The following ATP11A variants were observed in gnomAD, a reference collection of about 807,000 sequenced individuals.
ATP11A encodes the protein phospholipid-transporting ATPase IH.
A neutral mutation model predicts 154.4 loss-of-function variants in ATP11A; 81 were observed. The ratio of observed to expected loss-of-function variants is 0.52; its 90% CI spans 0.44 to 0.63. ATP11A has a LOEUF of 0.63. Ranked by LOEUF, ATP11A falls within the 30% of genes least tolerant of loss-of-function variation. The probability of loss-of-function intolerance (pLI) is 0.00; values close to 1 mark genes in which losing one functional copy is unlikely to be tolerated. For synonymous variants in ATP11A, 623 were observed against 585.9 expected (o/e 1.06, Z -0.91); for missense variants, 1,316 against 1,474.3 (o/e 0.89, Z 1.76).
chr13:112,708,015 T>C (rs978766804), intron 1 of ATP11A, among the ~76,000 whole-genome samples: 5 of 152,212 alleles, frequency 3.3e-5, no homozygotes, highest in African/African-American at 1.2e-4. Context: ...AAGGGCCCAA[T>C]TCTTCTCCAT....
intron 2 of ATP11A, among the ~76,000 whole-genome samples, chr13:112,788,024 A>G (rs2077703210): frequency 6.7e-6 from 1 of 148,620 alleles, no homozygotes; most frequent in Non-Finnish European, 1.5e-5. Context: ...AGACCTACTT[A>G]ATTCACACCA....
rs1269018954 is a variant in ATP11A at position 112,696,517 on chromosome 13, ACT to A, written c.39+6063_39+6064del. On this transcript the variant is annotated intron_variant, in intron 1 of 29. Coordinates refer to ENST00000375645, the MANE Select transcript of ATP11A (RefSeq NM_015205.3). The surrounding 1 kb of genome is among the most constrained non-coding windows in gnomAD (Gnocchi z 6.2). ...CCGTCTCTCTCCCTCTCTGAGTGAC[ACT>A]GTCTGCCCTGCTGCTTGCCGTCCCG... Among the ~76,000 whole-genome samples, 2 of 152,130 alleles carry A rather than the reference ACT, an allele frequency of 1.3e-5. No individual in the cohort carries two copies. The highest frequency in any genetic ancestry group is 2.9e-5 in the Non-Finnish European group (2 of 67,982).
intron 14 of ATP11A, among the ~76,000 whole-genome samples, 192 bp from the exon 15 acceptor site, chr13:112,834,397 G>A (rs2079176694): frequency 2.0e-5 from 3 of 152,214 alleles, no homozygotes; most frequent in Admixed American, 1.3e-4. Flanking sequence ...CTTGCTCTTG[G>A]AAGATTTTTT....
chr13:112,839,177 A>G (rs1312201735), intron 16 of ATP11A, among the ~76,000 whole-genome samples: 2 of 152,212 alleles, frequency 1.3e-5, no homozygotes, highest in Non-Finnish European at 2.9e-5. Context: ...TCAAAGGCAG[A>G]TGTGAAATCT....
chr13:112,702,362 AG>A (rs1313851020), intron 1 of ATP11A, among the ~76,000 whole-genome samples: 1 of 150,696 alleles, frequency 6.6e-6, no homozygotes, highest in Admixed American at 6.6e-5. Context: ...AAAAAAAAAA[AG>A]AAACCACTGT....
intron 12 of ATP11A, among the ~76,000 whole-genome samples, chr13:112,829,103 C>T (rs2079023708): frequency 6.6e-6 from 1 of 152,216 alleles, no homozygotes; most frequent in African/African-American, 2.4e-5. Flanking sequence ...CAGGCAGTGC[C>T]CCGTTCTGCG....
At chr13:112,800,863 T>C (rs1359051064) in intron 2 of ATP11A, among the ~76,000 whole-genome samples, 2 of 152,168 alleles carry the variant, frequency 1.3e-5, no homozygotes, top group South Asian at 2.1e-4. Context: ...TCGACTAATA[T>C]AACCCATATT....
intron 5 of ATP11A, among the ~76,000 whole-genome samples, chr13:112,815,809 AAC>A (rs1168802498): frequency 6.6e-6 from 1 of 152,188 alleles, no homozygotes; most frequent in Non-Finnish European, 1.5e-5. Flanking sequence ...ACGCTCACAG[AAC>A]ACTCCAACTC....
At chr13:112,822,312 G>A (rs1365140478) in intron 8 of ATP11A, among the ~76,000 whole-genome samples, 4 of 152,150 alleles carry the variant, frequency 2.6e-5, no homozygotes, top group Admixed American at 1.3e-4. Flanking sequence ...AAGAATATAA[G>A]CCCCTGATGG....
Position 112,690,522 on chromosome 13 carries a change from G to A in ATP11A, c.39+67G>A. ...CAGACGCGGGCCGGCCCCGCAGCCCGGACCCTGTGGCCGGTCCAGCCCCGG... is the reference window on the plus strand; with the variant it reads ...CAGACGCGGGCCGGCCCCGCAGCCCAGACCCTGTGGCCGGTCCAGCCCCGG... On this transcript the variant is annotated intron_variant, in intron 1 of 29. Transcript: ENST00000375645. The surrounding 1 kb of genome is among the most constrained non-coding windows in gnomAD (Gnocchi z 5.6). 1 of 1,252,968 alleles carries A rather than the reference G, an allele frequency of 8.0e-7. No individual in the cohort carries two copies. Among genetic ancestry groups the A allele is most frequent in the Non-Finnish European group, 1.0e-6 (1 of 995,494 alleles). 77.6% of individuals were successfully genotyped at this position (1,252,968 alleles called of 1,614,324 possible). A position where few individuals can be genotyped will look rare whatever the true frequency, so the allele number is the denominator to read the frequency against.
chr13:112,769,732 G>A (rs1391388089), intron 1 of ATP11A, among the ~76,000 whole-genome samples: 2 of 152,194 alleles, frequency 1.3e-5, no homozygotes, highest in African/African-American at 4.8e-5. Context: ...AGGGGTGGGC[G>A]AGCCTGCCCA....
intron 2 of ATP11A, among the ~76,000 whole-genome samples, chr13:112,790,821 A>G (rs1476916957): frequency 6.6e-6 from 1 of 152,244 alleles, no homozygotes; most frequent in Non-Finnish European, 1.5e-5. Flanking sequence ...ATATTTTACA[A>G]CAGAAAAGGT....
Position 112,814,628 on chromosome 13 carries a change from C to T in ATP11A, c.442-1455C>T, listed in dbSNP as rs149492404. 8.5e-4 allele frequency among the ~76,000 whole-genome samples: 130 copies of T among 152,252 alleles called. 2 individuals are homozygous for T. In the East Asian group the frequency reaches 0.02, roughly 23 times the overall value. ...GGGATGGCTGGCTGTCCCTTTTCCA[C>T]GGAGTGGCGCTTGTACTCTGTCCCA... On this transcript the variant is annotated intron_variant, in intron 5 of 29. Coordinates refer to ENST00000375645, the MANE Select transcript of ATP11A (RefSeq NM_015205.3).
Position 112,746,076 on chromosome 13 carries a change from C to T in ATP11A, c.40-39059C>T. 7.2e-6 allele frequency: 1 copy of T among 138,656 alleles called. No homozygotes were observed. Among genetic ancestry groups the T allele is most frequent in the East Asian group, 2.0e-4 (1 of 5,082 alleles). 8.6% of individuals were successfully genotyped at this position (138,656 alleles called of 1,614,324 possible). On this transcript the variant is annotated intron_variant, in intron 1 of 29. Coordinates refer to ENST00000375645, the MANE Select transcript of ATP11A (RefSeq NM_015205.3). The surrounding 1 kb of genome is among the most constrained non-coding windows in gnomAD (Gnocchi z 4.1). ...TGTGTATACACCACGTTTTTCTTGT[C>T]CGTTCACCTGTGATGGACTCTTGGG...
rs920227332 is a variant in ATP11A, at chr13:112,859,294, C to T, written c.2668-99C>T. ...GCTGTTCTGCCGCACGCTGGGTGCACGTGGATCCCTCCTCCCATGTGGGGT... is the reference window on the plus strand; with the variant it reads ...GCTGTTCTGCCGCACGCTGGGTGCATGTGGATCCCTCCTCCCATGTGGGGT... On this transcript the variant is annotated intron_variant, in intron 22 of 29. Transcript: ENST00000375645. The surrounding 1 kb of genome is among the most constrained non-coding windows in gnomAD (Gnocchi z 4.3). 1.5e-5 allele frequency: 14 copies of T among 926,556 alleles called. No homozygotes were observed. Among genetic ancestry groups the T allele is most frequent in the African/African-American group, 4.9e-5 (3 of 61,390 alleles). 57.4% of individuals were successfully genotyped at this position (926,556 alleles called of 1,614,324 possible). A position where few individuals can be genotyped will look rare whatever the true frequency, so the allele number is the denominator to read the frequency against.
In ATP11A at chr13:112,836,401, C is replaced by G. The variant is rs558548020; in HGVS notation, c.1705+150C>G. On this transcript the variant is annotated intron_variant, in intron 16 of 29. Transcript: ENST00000375645. The stretch of plus-strand genomic sequence containing the variant: ...ACTATAGACAAATCCTCTCAAAATA[C>G]TAATTTTTTATTTTTAAAAAGTGCA... 9 of 518,278 alleles carry G rather than the reference C, an allele frequency of 1.7e-5. No individual in the cohort carries two copies. In the South Asian group the frequency reaches 3.3e-4, roughly 19 times the overall value. 32.1% of individuals were successfully genotyped at this position (518,278 alleles called of 1,614,324 possible).
In ATP11A at chr13:112,882,958, G is replaced by A. The variant is rs986490113; in HGVS notation, c.*1092G>A. 4.5e-5 allele frequency: 18 copies of A among 399,056 alleles called. No individual in the cohort carries two copies. Among genetic ancestry groups the A allele is most frequent in the East Asian group, 1.1e-4 (3 of 28,062 alleles). 24.7% of individuals were successfully genotyped at this position (399,056 alleles called of 1,614,324 possible). A position where few individuals can be genotyped will look rare whatever the true frequency, so the allele number is the denominator to read the frequency against. ...AACAGGCAGCACCGCACCTCTGCCC[G>A]CCTCCCGCACTGCAGCTCCGCCCGC... On this transcript the variant is annotated 3_prime_UTR_variant, in exon 30 of 30. Transcript: ENST00000375645. The surrounding 1 kb of genome is among the most constrained non-coding windows in gnomAD (Gnocchi z 5.1).
intron 1 of ATP11A, among the ~76,000 whole-genome samples, chr13:112,758,281 C>T (rs1387846420): frequency 1.3e-5 from 2 of 151,766 alleles, no homozygotes; most frequent in Non-Finnish European, 2.9e-5. Context: ...AGGCTGGTCT[C>T]GAACTCCTGA....
chr13:112,725,360 C>T (rs1382688128), intron 1 of ATP11A, among the ~76,000 whole-genome samples: 1 of 152,228 alleles, frequency 6.6e-6, no homozygotes, highest in African/African-American at 2.4e-5. Flanking sequence ...ACCCCCTCCA[C>T]TCTCTCTGCT....
Sources: allele counts gnomAD v4.1 joint callset (sites outside exome capture counted in the v4.1 genomes callset), GRCh38; gene constraint gnomAD v4.1.1; non-coding constraint Gnocchi (gnomAD v3.1); transcripts MANE v1.5; gene names NCBI Gene and HGNC (gene_info 2026-07-23, HGNC 2026-07-21).